C1GALT1: variants seen among roughly 807,000 people sequenced by gnomAD.
The protein encoded by C1GALT1 is core 1 synthase, glycoprotein-N-acetylgalactosamine 3-beta-galactosyltransferase 1.
A neutral mutation model predicts 31.0 loss-of-function variants in C1GALT1; 11 were observed. The observed-to-expected ratio is 0.36, with a 90% CI of 0.22 to 0.59. C1GALT1 has a LOEUF of 0.59. C1GALT1 is among the 20% of genes least tolerant of loss of function. C1GALT1 has a pLI of 0.79. For missense variants in C1GALT1, 424 were observed against 425.2 expected (o/e 1.00, Z 0.03); for synonymous variants, 175 against 143.6 (o/e 1.22, Z -1.56).
chr7:7,160,609 T>C (rs1258415471), intron 2 of C1GALT1, among the ~76,000 whole-genome samples: 6 of 152,046 alleles, frequency 3.9e-5, no homozygotes, highest in Admixed American at 3.9e-4. Context: ...CTAAATCCAT[T>C]CAGTAAAAGA....
At chr7:7,181,874 C>A (rs76453007), upstream of C1GALT1, among the ~76,000 whole-genome samples, 416 of 152,306 alleles carry the variant, frequency 2.7e-3, 5 homozygotes, top group African/African-American at 9.6e-3. Context: ...CAGCCTCCTC[C>A]CCCTATTCCA....
chr7:7,210,917 C>T (rs1169797885), intron 1 of C1GALT1, among the ~76,000 whole-genome samples: 1 of 152,156 alleles, frequency 6.6e-6, no homozygotes, highest in East Asian at 1.9e-4. Flanking sequence ...TCCAAGGACC[C>T]CTTTTTCTTC....
chr7:7,233,666 C>G (rs1005876772), intron 1 of C1GALT1, among the ~76,000 whole-genome samples: 1 of 152,140 alleles, frequency 6.6e-6, no homozygotes, highest in African/African-American at 2.4e-5. Flanking sequence ...GCAAAAGTAG[C>G]CGCAGTCAGT....
At chr7:7,205,379 T>C (rs1233276341) in intron 1 of C1GALT1, among the ~76,000 whole-genome samples, 1 of 152,226 alleles carries the variant, frequency 6.6e-6, no homozygotes, top group African/African-American at 2.4e-5. Context: ...ATTTACTGTG[T>C]TCTTATGATA....
intron 1 of C1GALT1, among the ~76,000 whole-genome samples, chr7:7,221,964 G>C (rs769569275): frequency 1.3e-5 from 2 of 152,142 alleles, no homozygotes; most frequent in Non-Finnish European, 2.9e-5. Context: ...TGTGACCTAC[G>C]TTAACACCAG....
intron 1 of C1GALT1, among the ~76,000 whole-genome samples, chr7:7,195,279 C>T (rs895128727): frequency 6.6e-6 from 1 of 152,110 alleles, no homozygotes; most frequent in Non-Finnish European, 1.5e-5. Flanking sequence ...TCTGTTTATG[C>T]TCTTTCAGAC....
chr7:7,190,966 A>G (rs997245579), intron 1 of C1GALT1, among the ~76,000 whole-genome samples: 1 of 151,758 alleles, frequency 6.6e-6, no homozygotes, highest in Non-Finnish European at 1.5e-5. Context: ...TTTTTTCCAA[A>G]CTTTTTAAAA....
intron 1 of C1GALT1, among the ~76,000 whole-genome samples, chr7:7,211,676 G>C (rs1465862374): frequency 5.3e-5 from 8 of 152,150 alleles, no homozygotes; most frequent in African/African-American, 1.9e-4. Flanking sequence ...GGTCTATGAA[G>C]CTTTGGTTTT....
At chr7:7,227,236 G>T (rs2108783) in intron 1 of C1GALT1, among the ~76,000 whole-genome samples, 82,645 of 151,876 alleles carry the variant, frequency 0.54, 24,334 homozygotes, top group African/African-American at 0.77. Context: ...AAAACTGTAG[G>T]GTTATGGTTT....
At chr7:7,234,642 G>A in intron 2 of C1GALT1, 103 bp downstream of exon 2, 4 of 783,380 alleles carry the variant, frequency 5.1e-6, no homozygotes, top group Non-Finnish European at 7.9e-6. Flanking sequence ...ATATATTCCA[G>A]ATATTAAAAA....
chr7:7,211,678 T>G (rs1669613438), intron 1 of C1GALT1, among the ~76,000 whole-genome samples: 1 of 152,226 alleles, frequency 6.6e-6, no homozygotes, highest in Non-Finnish European at 1.5e-5. Flanking sequence ...TCTATGAAGC[T>G]TTGGTTTTAT....
At chr7:7,194,250 C>G (rs189471124) in intron 1 of C1GALT1, among the ~76,000 whole-genome samples, 288 of 152,194 alleles carry the variant, frequency 1.9e-3, no homozygotes, top group African/African-American at 6.6e-3. Context: ...CTGTCTTGTT[C>G]CAGATCTCAG....
At chr7:7,205,238 G>A (rs1033119498) in intron 1 of C1GALT1, among the ~76,000 whole-genome samples, 1 of 151,978 alleles carries the variant, frequency 6.6e-6, no homozygotes, top group African/African-American at 2.4e-5. Flanking sequence ...ACAACACAGA[G>A]GTTAGGGATG....
intron 1 of C1GALT1, among the ~76,000 whole-genome samples, chr7:7,195,448 T>C (rs1277854628): frequency 2.0e-5 from 3 of 151,954 alleles, no homozygotes; most frequent in Non-Finnish European, 4.4e-5. Context: ...CATTCAGGAG[T>C]AGGTTATTTA....
At chr7:7,167,322 A>T (rs959812345) in intron 2 of C1GALT1, among the ~76,000 whole-genome samples, 19 of 152,206 alleles carry the variant, frequency 1.2e-4, no homozygotes, top group African/African-American at 4.6e-4. Flanking sequence ...AACAGCATTC[A>T]TTGAGATTAA....
intron 1 of C1GALT1, among the ~76,000 whole-genome samples, chr7:7,194,939 C>T (rs547122165): frequency 1.8e-4 from 27 of 152,044 alleles, no homozygotes; most frequent in African/African-American, 6.5e-4. Context: ...CATCTCCTCT[C>T]GATTTTCTAG....
intron 1 of C1GALT1, among the ~76,000 whole-genome samples, chr7:7,227,099 G>A (rs1012305477): frequency 6.6e-6 from 1 of 152,096 alleles, no homozygotes; most frequent in Admixed American, 6.5e-5. Context: ...TTTAGAGGAT[G>A]GGGGTCATAT....
At chr7:7,183,844 T>C (rs896394943) in intron 1 of C1GALT1, among the ~76,000 whole-genome samples, 1 of 152,228 alleles carries the variant, frequency 6.6e-6, no homozygotes, top group African/African-American at 2.4e-5. Context: ...AACCATGGAT[T>C]GATTTCATTA....
intron 3 of C1GALT1, among the ~76,000 whole-genome samples, chr7:7,241,102 C>CATAT: frequency 3.3e-5 from 1 of 30,734 alleles, no homozygotes. Context: ...TAATTGTTTA[C>CATAT]ATATATATCT....
Sources: gnomAD v4.1 joint callset for allele counts (sites outside exome capture counted in the v4.1 genomes callset) on GRCh38, gnomAD v4.1.1 for gene constraint, MANE v1.5 for transcripts, NCBI Gene and HGNC (gene_info 2026-07-23, HGNC 2026-07-21) for gene names.